Variants in PPME1 observed in about 807,000 individuals in gnomAD.
PPME1 encodes the protein testicular secretory protein Li 39.
PPME1 carries 17 observed loss-of-function variants against 56.9 expected under a neutral mutation model. The ratio of observed to expected loss-of-function variants is 0.30; its 90% CI spans 0.20 to 0.45. The LOEUF is 0.45. Ranked by LOEUF, PPME1 falls within the 20% of genes least tolerant of loss-of-function variation. The probability of loss-of-function intolerance (pLI) is 1.00; values close to 1 mark genes in which losing one functional copy is unlikely to be tolerated. For missense variants in PPME1, 357 were observed against 483.2 expected (o/e 0.74, Z 2.45); for synonymous variants, 122 against 156.2 (o/e 0.78, Z 1.63).
intron 3 of PPME1, among the ~76,000 whole-genome samples, chr11:74,221,348 T>C (rs962578680): frequency 2.0e-5 from 3 of 152,174 alleles, no homozygotes; most frequent in African/African-American, 7.2e-5. Flanking sequence ...CAGCAAAGTA[T>C]AGTAGAATTT....
intron 12 of PPME1, 73 bp downstream of exon 12, chr11:74,251,091 C>CT: frequency 4.5e-6 from 7 of 1,542,620 alleles, no homozygotes; most frequent in Non-Finnish European, 4.4e-6. Flanking sequence ...AGACAAGTCT[C>CT]TGAGTCTCAG....
At chr11:74,249,995 C>T (rs1305865676) in intron 11 of PPME1, 1 of 152,154 alleles carries the variant, frequency 6.6e-6, no homozygotes, top group African/African-American at 2.4e-5. Flanking sequence ...GCCTCAGTTT[C>T]ATCATCTCAG....
intron 3 of PPME1, among the ~76,000 whole-genome samples, chr11:74,209,300 G>T (rs183397819): frequency 7.9e-5 from 12 of 151,940 alleles, no homozygotes; most frequent in Non-Finnish European, 1.8e-4. Context: ...AGGGAATCCC[G>T]CTATATTGCC....
At chr11:74,208,008 A>G (rs1261130960) in intron 3 of PPME1, among the ~76,000 whole-genome samples, 1 of 152,154 alleles carries the variant, frequency 6.6e-6, no homozygotes, top group Non-Finnish European at 1.5e-5. Flanking sequence ...CTGAGTCACT[A>G]AGATTCAAAA....
chr11:74,202,936 C>T (rs1858210056), intron 1 of PPME1, among the ~76,000 whole-genome samples: 1 of 151,982 alleles, frequency 6.6e-6, no homozygotes, highest in African/African-American at 2.4e-5. Context: ...TGATAGCACG[C>T]ATATCGTGTT....
intron 7 of PPME1, among the ~76,000 whole-genome samples, chr11:74,233,198 G>T (rs1348711726): frequency 6.6e-6 from 1 of 151,928 alleles, no homozygotes; most frequent in Non-Finnish European, 1.5e-5. Context: ...ATGCAGCCTG[G>T]GTATCATGGT....
chr11:74,244,825 A>C (rs1037614259), intron 9 of PPME1, among the ~76,000 whole-genome samples: 1 of 152,046 alleles, frequency 6.6e-6, no homozygotes, highest in Non-Finnish European at 1.5e-5. Context: ...TTCTTCTAGG[A>C]GTTTTATAGT....
chr11:74,209,347 C>T (rs1401958815), intron 3 of PPME1, among the ~76,000 whole-genome samples: 1 of 152,152 alleles, frequency 6.6e-6, no homozygotes, highest in Non-Finnish European at 1.5e-5. Context: ...AAGCAATCCT[C>T]CTGCCTCAGC....
At chr11:74,216,037 G>T (rs1044955554) in intron 3 of PPME1, among the ~76,000 whole-genome samples, 1 of 152,174 alleles carries the variant, frequency 6.6e-6, no homozygotes, top group Non-Finnish European at 1.5e-5. Context: ...GGAGAGATGG[G>T]CCCCACCCAA....
chr11:74,172,297 G>A (rs971769765), intron 1 of PPME1, among the ~76,000 whole-genome samples: 10 of 151,904 alleles, frequency 6.6e-5, no homozygotes, highest in African/African-American at 2.4e-4. Flanking sequence ...GACAGGATAA[G>A]GGAGAGAGAA....
At chr11:74,252,792 G>C (rs1351533028) in intron 13 of PPME1, among the ~76,000 whole-genome samples, 1 of 152,152 alleles carries the variant, frequency 6.6e-6, no homozygotes, top group Non-Finnish European at 1.5e-5. Context: ...AACAGGGCCA[G>C]GTCTCTCATC....
chr11:74,221,937 C>T (rs1019928218), intron 3 of PPME1, among the ~76,000 whole-genome samples: 8 of 152,078 alleles, frequency 5.3e-5, no homozygotes, highest in African/African-American at 1.4e-4. Context: ...TAAACTGACT[C>T]ACCGTCCTTA....
intron 13 of PPME1, chr11:74,252,556 A>G (rs1324430296): frequency 2.2e-6 from 1 of 454,370 alleles, no homozygotes; most frequent in African/African-American, 2.0e-5. Flanking sequence ...GAAGCTCTAG[A>G]GCAGGGTTTT....
chr11:74,174,195 TAATA>T (rs1383862675), intron 1 of PPME1, among the ~76,000 whole-genome samples: 1 of 152,178 alleles, frequency 6.6e-6, no homozygotes, highest in Non-Finnish European at 1.5e-5. Flanking sequence ...GGGAATGTAT[TAATA>T]AATGAGGGAA....
intron 7 of PPME1, among the ~76,000 whole-genome samples, chr11:74,235,546 C>T (rs1399558291): frequency 6.6e-6 from 1 of 152,144 alleles, no homozygotes; most frequent in African/African-American, 2.4e-5. Context: ...GGAGCTTTCT[C>T]TGACCTCCTC....
In PPME1 at chr11:74,207,413, AAAAC is replaced by A. The variant is rs556238697; in HGVS notation, c.288+2983_288+2986del. Among the ~76,000 whole-genome samples the A allele has an allele frequency of 5.1e-3, 781 of 152,332 alleles. 2 individuals are homozygous for A. The highest frequency in any genetic ancestry group is 8.7e-3 in the African/African-American group (360 of 41,572). On this transcript the variant is annotated intron_variant, in intron 3 of 13. Coordinates refer to ENST00000328257, the MANE Select transcript of PPME1 (RefSeq NM_016147.3). ...CATTTATACCTTGGCTTTAGTAACAAAAACAAACAAACAAACAACCATAAAGCAC... is the reference window on the plus strand; with the variant it reads ...CATTTATACCTTGGCTTTAGTAACAAAAACAAACAAACAACCATAAAGCAC...
intron 1 of PPME1, among the ~76,000 whole-genome samples, chr11:74,202,451 C>T (rs1294831276): frequency 6.6e-6 from 1 of 152,156 alleles, no homozygotes; most frequent in Non-Finnish European, 1.5e-5. Flanking sequence ...TACCCAGCCG[C>T]TGTGTTGTAA....
chr11:74,228,354 A>G (rs1858982279), intron 5 of PPME1, among the ~76,000 whole-genome samples: 1 of 152,074 alleles, frequency 6.6e-6, no homozygotes, highest in African/African-American at 2.4e-5. Context: ...TTTGTTCCTG[A>G]TATTTTCCAG....
At chr11:74,191,014 C>T (rs1857823150) in intron 1 of PPME1, among the ~76,000 whole-genome samples, 1 of 152,208 alleles carries the variant, frequency 6.6e-6, no homozygotes, top group East Asian at 1.9e-4. Context: ...AAGAGGTGAC[C>T]TGGCTGCTTC....
Sources: allele counts gnomAD v4.1 joint callset (sites outside exome capture counted in the v4.1 genomes callset), GRCh38; gene constraint gnomAD v4.1.1; transcripts MANE v1.5; gene names NCBI Gene and HGNC (gene_info 2026-07-23, HGNC 2026-07-21).